NPM1: variants seen among roughly 807,000 people sequenced by gnomAD.
The protein encoded by NPM1 is nucleophosmin 1.
A neutral mutation model predicts 44.1 loss-of-function variants in NPM1; 1 was observed. The ratio of observed to expected loss-of-function variants is 0.02; its 90% CI spans 0.01 to 0.11. The LOEUF (loss-of-function observed/expected upper bound fraction) is 0.11, where lower values mean the gene tolerates loss of function less well. Ranked by LOEUF, NPM1 falls within the 10% of genes least tolerant of loss-of-function variation. NPM1 has a pLI of 1.00. For missense variants in NPM1, 197 were observed against 347.8 expected (o/e 0.57, Z 3.45); for synonymous variants, 126 against 111.8 (o/e 1.13, Z -0.80).
In NPM1 at chr5:171,407,765, T is replaced by A. The variant is rs1236785279; in HGVS notation, c.837T>A (p.Thr279=). 6.2e-7 allele frequency: 1 copy of A among 1,606,770 alleles called. No homozygotes were observed. Among genetic ancestry groups the A allele is most frequent in the South Asian group, 1.1e-5 (1 of 90,822 alleles). ...INYVKNCFRM[T]DQEAIQDLWQ... is the part of the protein sequence containing the mutation. ...ATGTGAAGAATTGCTTCCGGATGACTGACCAAGAGGTAACTGGATTTTCTG... is the reference window on the plus strand; with the variant it reads ...ATGTGAAGAATTGCTTCCGGATGACAGACCAAGAGGTAACTGGATTTTCTG... The change falls in exon 10 of 11, where the codon ACT becomes ACA. Residue 279 remains threonine, a synonymous_variant. Coordinates refer to ENST00000296930, the MANE Select transcript of NPM1 (RefSeq NM_002520.7).
At chr5:171,392,641 A>C (rs894950046) in intron 4 of NPM1, 69 bp from the exon 5 acceptor site, 3 of 906,440 alleles carry the variant, frequency 3.3e-6, no homozygotes, top group Middle Eastern at 3.0e-4. Flanking sequence ...AGTATTTACT[A>C]TCAGTGTTCT....
chr5:171,401,058 A>G (rs2113235949), intron 8 of NPM1, 133 bp downstream of exon 8: 2 of 654,420 alleles, frequency 3.1e-6, no homozygotes, highest in Middle Eastern at 2.5e-4. Flanking sequence ...AAAAGTTAAA[A>G]TCAGCTTGCT....
intron 9 of NPM1, chr5:171,406,357 T>G: frequency 1.3e-6 from 2 of 1,567,060 alleles, no homozygotes. Context: ...GCCCCTCCCC[T>G]CCATTTTAAT....
rs1390202808 is a variant in NPM1 at position 171,410,633 on chromosome 5, G to A, written c.*68G>A. 1 of 869,620 alleles carries A rather than the reference G, an allele frequency of 1.1e-6. No individual in the cohort carries two copies. The highest frequency in any genetic ancestry group is 2.5e-5 in the East Asian group (1 of 39,584). 53.9% of individuals were successfully genotyped at this position (869,620 alleles called of 1,614,324 possible). On this transcript the variant is annotated 3_prime_UTR_variant, in exon 11 of 11. Coordinates refer to ENST00000296930, the MANE Select transcript of NPM1 (RefSeq NM_002520.7). ...TTCATTTCTGTAACAGTTGATATCT[G>A]GCTGTCCTTTTTATAATGCAGAGTG...
intron 6 of NPM1, 53 bp downstream of exon 6, chr5:171,393,031 G>T: frequency 6.4e-7 from 1 of 1,567,694 alleles, no homozygotes; most frequent in South Asian, 1.2e-5. Flanking sequence ...ACAAAAAAAG[G>T]AATTTGACAT....
chr5:171,410,532 T>G lies in NPM1; in HGVS notation c.852T>G (p.Ile284Met). 6.4e-7 allele frequency: 1 copy of G among 1,563,836 alleles called. No homozygotes were observed. The highest frequency in any genetic ancestry group is 1.8e-5 in the Admixed American group (1 of 54,768). The change falls in exon 11 of 11, where the codon ATT (isoleucine) becomes ATG (methionine). Residue 284 changes from isoleucine (I) to methionine (M), a missense_variant. Ile to Met is a conservative substitution (Grantham distance 10). Coordinates refer to ENST00000296930, the MANE Select transcript of NPM1 (RefSeq NM_002520.7). ...TTCTTTTTTTTTTTTTCCAGGCTAT[T>G]CAAGATCTCTGGCAGTGGAGGAAGT... ...NCFRMTDQEA[I>M]QDLWQWRKSL
intron 8 of NPM1, among the ~76,000 whole-genome samples, chr5:171,403,445 T>G (rs1188139593): frequency 1.7e-5 from 2 of 117,010 alleles, no homozygotes; most frequent in African/African-American, 6.3e-5. Context: ...TTTCTCAATC[T>G]TTTCCCCACC....
intron 1 of NPM1, among the ~76,000 whole-genome samples, chr5:171,388,550 TGAG>T (rs1770396519): frequency 1.1e-5 from 1 of 92,168 alleles, no homozygotes; most frequent in East Asian, 3.0e-4. Context: ...CGGCGCGGCG[TGAG>T]GAGGCCGCAA....
At chr5:171,406,409 G>A (rs1581259133) in intron 9 of NPM1, 2 of 1,613,146 alleles carry the variant, frequency 1.2e-6, no homozygotes, top group Non-Finnish European at 1.7e-6. Flanking sequence ...GCATTGAACA[G>A]TCCTGGGCAC....
At chr5:171,397,430 A>G (rs1283306336) in intron 6 of NPM1, among the ~76,000 whole-genome samples, 3 of 151,918 alleles carry the variant, frequency 2.0e-5, no homozygotes, top group African/African-American at 4.8e-5. Context: ...TTTCACTCCA[A>G]CCTACTGATT....
At chr5:171,389,308 G>A (rs1174793151) in intron 1 of NPM1, among the ~76,000 whole-genome samples, 1 of 152,210 alleles carries the variant, frequency 6.6e-6, no homozygotes. Context: ...ATTGGTAACG[G>A]TTAGATGATA....
intron 8 of NPM1, among the ~76,000 whole-genome samples, chr5:171,403,402 A>T (rs1771340412): frequency 1.8e-5 from 2 of 109,458 alleles, no homozygotes; most frequent in South Asian, 3.3e-4. Flanking sequence ...TCCCATGTCT[A>T]CTTCTTTCTA....
intron 8 of NPM1, among the ~76,000 whole-genome samples, chr5:171,403,407 T>C (rs1349668850): frequency 9.0e-6 from 1 of 111,190 alleles, no homozygotes; most frequent in Non-Finnish European, 2.0e-5. Context: ...TGTCTACTTC[T>C]TTCTACACAG....
chr5:171,395,292 G>T (rs1269290468), intron 6 of NPM1, among the ~76,000 whole-genome samples: 6 of 144,190 alleles, frequency 4.2e-5, no homozygotes, highest in Admixed American at 2.1e-4. Context: ...TCAGTACCTG[G>T]TTTTTTTTGT....
chr5:171,401,024 A>G, intron 8 of NPM1, 99 bp downstream of exon 8: 1 of 815,080 alleles, frequency 1.2e-6, no homozygotes, highest in South Asian at 1.4e-5. Context: ...ATAGGCCTTT[A>G]TAGAACCCCT....
At chr5:171,394,831 C>T (rs1047531011) in intron 6 of NPM1, among the ~76,000 whole-genome samples, 2 of 152,068 alleles carry the variant, frequency 1.3e-5, no homozygotes, top group Admixed American at 6.6e-5. Context: ...TGGAGTAGGA[C>T]CTGATTGTAG....
chr5:171,410,453 A>G (rs55876025), intron 10 of NPM1, 74 bp from the exon 11 acceptor site: 141,168 of 919,500 alleles, frequency 0.15, 11,717 homozygotes, highest in Middle Eastern at 0.22. Flanking sequence ...GAACTATGCA[A>G]AGAGACATTT....
intron 8 of NPM1, among the ~76,000 whole-genome samples, chr5:171,402,053 C>CTTTTT (rs34648553): frequency 0.19 from 24,998 of 133,134 alleles, 2,776 homozygotes; most frequent in East Asian, 0.45. Flanking sequence ...TTCTGATTTC[C>CTTTTT]TTTTTTTTTT....
At chr5:171,410,468 T>G in intron 10 of NPM1, 59 bp from the exon 11 acceptor site, 1 of 1,025,968 alleles carries the variant, frequency 9.7e-7, no homozygotes, top group Non-Finnish European at 1.4e-6. Flanking sequence ...ACATTTAATT[T>G]ATTGATGTCT....
Sources: gnomAD v4.1 joint callset for allele counts (sites outside exome capture counted in the v4.1 genomes callset) on GRCh38, gnomAD v4.1.1 for gene constraint, MANE v1.5 for transcripts, NCBI Gene and HGNC (gene_info 2026-07-23, HGNC 2026-07-21) for gene names.